PID1: variants seen among roughly 807,000 people sequenced by gnomAD.
PID1 encodes PTB-containing, cubilin and LRP1-interacting protein.
In PID1, 10 loss-of-function variants were observed where a neutral mutation model predicts 19.1. The observed-to-expected ratio is 0.52, with a 90% CI of 0.32 to 0.89. The LOEUF (loss-of-function observed/expected upper bound fraction) is 0.89, where lower values mean the gene tolerates loss of function less well. Among genes scored for constraint, PID1 ranks in the 40% least tolerant of loss-of-function variants. The probability of loss-of-function intolerance (pLI) is 0.03; values close to 1 mark genes in which losing one functional copy is unlikely to be tolerated. For missense variants in PID1, 248 were observed against 285.3 expected (o/e 0.87, Z 0.94); for synonymous variants, 130 against 116.0 (o/e 1.12, Z -0.78).
intron 1 of PID1, among the ~76,000 whole-genome samples, chr2:229,210,054 T>C (rs1691693116): frequency 6.6e-6 from 1 of 152,056 alleles, no homozygotes; most frequent in Non-Finnish European, 1.5e-5. Context: ...TAAAGCCCGC[T>C]TCCCTAAATT....
At chr2:229,243,011 C>G (rs753894656) in intron 1 of PID1, among the ~76,000 whole-genome samples, 1 of 152,032 alleles carries the variant, frequency 6.6e-6, no homozygotes, top group Non-Finnish European at 1.5e-5. Context: ...TCCATTCTCA[C>G]GTTGCTGATA....
chr2:229,080,746 C>T (rs907024150), intron 2 of PID1, among the ~76,000 whole-genome samples: 2 of 152,090 alleles, frequency 1.3e-5, no homozygotes, highest in African/African-American at 4.8e-5. Flanking sequence ...GTGAATGTTG[C>T]CCAAATCAAA....
intron 2 of PID1, among the ~76,000 whole-genome samples, chr2:229,060,296 T>C (rs560840467): frequency 1.3e-5 from 2 of 152,234 alleles, no homozygotes; most frequent in East Asian, 3.9e-4. Context: ...CTCAAGCCTC[T>C]GGTAACTCCC....
intron 2 of PID1, among the ~76,000 whole-genome samples, chr2:229,100,503 C>G (rs1438553441): frequency 1.3e-5 from 2 of 152,090 alleles, no homozygotes; most frequent in African/African-American, 2.4e-5. Context: ...AATGGTGAAA[C>G]TTACATTAAA....
intron 2 of PID1, among the ~76,000 whole-genome samples, chr2:229,037,700 A>T (rs1425961549): frequency 6.6e-6 from 1 of 152,152 alleles, no homozygotes; most frequent in Non-Finnish European, 1.5e-5. Context: ...TGGACTTAGG[A>T]TGATAAAACC....
intron 2 of PID1, among the ~76,000 whole-genome samples, chr2:229,141,481 T>C (rs10200443): frequency 0.39 from 59,401 of 151,668 alleles, 11,752 homozygotes; most frequent in South Asian, 0.57. Flanking sequence ...TTGCACCACC[T>C]CATGAATAGA....
intron 1 of PID1, among the ~76,000 whole-genome samples, chr2:229,268,930 A>G (rs1294002699): frequency 1.3e-5 from 2 of 152,058 alleles, no homozygotes; most frequent in African/African-American, 4.8e-5. Flanking sequence ...CTCATCCTCA[A>G]CAGCTCTCTC....
intron 2 of PID1, among the ~76,000 whole-genome samples, chr2:229,118,541 A>C (rs913606013): frequency 6.6e-6 from 1 of 152,222 alleles, no homozygotes; most frequent in African/African-American, 2.4e-5. Flanking sequence ...GGAAAAAGAC[A>C]GTCCTGCTGA....
At chr2:229,206,816 A>ATC (rs1457651536) in intron 1 of PID1, among the ~76,000 whole-genome samples, 1 of 152,182 alleles carries the variant, frequency 6.6e-6, no homozygotes, top group African/African-American at 2.4e-5. Flanking sequence ...TCTGTAAGGT[A>ATC]TCTGTCTTCC....
At chr2:229,037,162 A>G (rs12620676) in intron 2 of PID1, among the ~76,000 whole-genome samples, 1 of 152,214 alleles carries the variant, frequency 6.6e-6, no homozygotes, top group Non-Finnish European at 1.5e-5. Context: ...AATTTAAAAA[A>G]TGCTTAGCAC....
intron 1 of PID1, among the ~76,000 whole-genome samples, chr2:229,189,627 G>A (rs1217412929): frequency 6.6e-6 from 1 of 152,208 alleles, no homozygotes; most frequent in African/African-American, 2.4e-5. Context: ...AACCTGGGAG[G>A]CGGAGGTTGC....
At position 229,184,449 on chromosome 2, in the gene PID1, G is replaced by A. The variant is rs1401362971; in HGVS notation, c.31-28485C>T. The stretch of plus-strand genomic sequence containing the variant: ...TATAGCCCGTATATATATATAGCCC[G>A]TATATATATAGCCCGTATATATATA... On this transcript the variant is annotated intron_variant, in intron 1 of 2. Coordinates refer to ENST00000392055, the MANE Select transcript of PID1 (RefSeq NM_001100818.2). Among the ~76,000 whole-genome samples the A allele has an allele frequency of 3.3e-4, 4 of 11,952 alleles. 2 individuals carry two copies. The highest frequency in any genetic ancestry group is 2.5e-3 in the African/African-American group (4 of 1,580). The allele number at this position is 11,952 out of a possible 152,430, so 7.8% of individuals were successfully genotyped here.
chr2:229,087,734 A>G (rs529529910), intron 2 of PID1, among the ~76,000 whole-genome samples: 2 of 152,224 alleles, frequency 1.3e-5, no homozygotes, highest in Non-Finnish European at 2.9e-5. Flanking sequence ...TAGAAACATC[A>G]GTCAAAATAG....
At chr2:229,213,039 A>C (rs1209013735) in intron 1 of PID1, among the ~76,000 whole-genome samples, 4 of 151,886 alleles carry the variant, frequency 2.6e-5, no homozygotes, top group African/African-American at 9.7e-5. Context: ...TGATTCATGA[A>C]ATAAAACAAA....
At chr2:229,240,588 T>C (rs778534446) in intron 1 of PID1, among the ~76,000 whole-genome samples, 12 of 152,148 alleles carry the variant, frequency 7.9e-5, no homozygotes, top group Non-Finnish European at 1.3e-4. Flanking sequence ...ATATTCATCA[T>C]TGCTGTGTAT....
At chr2:229,195,402 C>A (rs192817060) in intron 1 of PID1, among the ~76,000 whole-genome samples, 1 of 151,612 alleles carries the variant, frequency 6.6e-6, no homozygotes, top group Non-Finnish European at 1.5e-5. Flanking sequence ...CATATACATA[C>A]ATAACATGCA....
intron 2 of PID1, among the ~76,000 whole-genome samples, chr2:229,044,970 T>C (rs1425704742): frequency 2.0e-5 from 3 of 152,218 alleles, no homozygotes; most frequent in African/African-American, 7.2e-5. Flanking sequence ...TAGTTTTTTT[T>C]TTAGATGGAG....
intron 2 of PID1, among the ~76,000 whole-genome samples, chr2:229,065,729 A>AAAAAAAAAAG (rs765746020): frequency 1.3e-4 from 18 of 140,718 alleles, no homozygotes; most frequent in African/African-American, 2.5e-4. Flanking sequence ...AAAAAAAAAA[A>AAAAAAAAAAG]AAACAGGTTG....
chr2:229,124,148 C>T (rs918433721), intron 2 of PID1, among the ~76,000 whole-genome samples: 3 of 152,176 alleles, frequency 2.0e-5, no homozygotes, highest in African/African-American at 7.2e-5. Context: ...AATGTTTACT[C>T]TTCAGGCATC....
Sources: allele counts gnomAD v4.1 joint callset (sites outside exome capture counted in the v4.1 genomes callset), GRCh38; gene constraint gnomAD v4.1.1; transcripts MANE v1.5; gene names NCBI Gene and HGNC (gene_info 2026-07-23, HGNC 2026-07-21).